The following ALLC variants were observed in gnomAD, a reference collection of about 807,000 sequenced individuals.
ALLC encodes allantoicase.
ALLC carries 40 observed loss-of-function variants against 45.0 expected under a neutral mutation model. The observed-to-expected ratio is 0.89, with a 90% CI of 0.69 to 1.16. The LOEUF is 1.16. ALLC is among the 50% of genes most tolerant of loss of function. The pLI, the probability that ALLC is intolerant of heterozygous loss-of-function variation, is 0.00. For synonymous variants in ALLC, 176 were observed against 178.1 expected (o/e 0.99, Z 0.09); for missense variants, 488 against 493.1 (o/e 0.99, Z 0.10).
the ALLC span, among the ~76,000 whole-genome samples, chr2:3,653,166 G>A: frequency 6.6e-5 from 10 of 152,240 alleles, no homozygotes; most frequent in South Asian, 2.1e-4. This position sits in a 1 kb window ranked among gnomAD's most constrained non-coding sequence, Gnocchi z 4.1. Flanking sequence ...GGGGCCCCCC[G>A]AAGCCTCCAC....
At chr2:3,651,427 GT>G in the ALLC span, among the ~76,000 whole-genome samples, 9 of 59,398 alleles carry the variant, frequency 1.5e-4, no homozygotes, top group South Asian at 8.1e-4. Flanking sequence ...GTGTGTGTGT[GT>G]GTGTGTGTGT....
chr2:3,652,069 G>A, the ALLC span, among the ~76,000 whole-genome samples: 4 of 152,350 alleles, frequency 2.6e-5, no homozygotes, highest in Admixed American at 2.6e-4. Context: ...AGCACAAAGG[G>A]AATTTGTTGA....
chr2:3,664,692 C>T (rs1490759768), intron 1 of ALLC, among the ~76,000 whole-genome samples: 1 of 151,988 alleles, frequency 6.6e-6, no homozygotes, highest in Non-Finnish European at 1.5e-5. Flanking sequence ...AAGACCTGCC[C>T]GGGCAACATA....
At chr2:3,683,153 T>C in intron 7 of ALLC, 79 bp downstream of exon 7, 2 of 1,442,274 alleles carry the variant, frequency 1.4e-6, no homozygotes, top group Middle Eastern at 1.8e-4. Flanking sequence ...ATAAAATGAC[T>C]TGCTCTTTCC....
the ALLC span, among the ~76,000 whole-genome samples, chr2:3,651,688 G>A: frequency 0.037 from 5,548 of 151,980 alleles, 192 homozygotes; most frequent in African/African-American, 0.09. Flanking sequence ...CTGGATGGAG[G>A]CTGGGCCAAC....
intron 5 of ALLC, among the ~76,000 whole-genome samples, chr2:3,681,404 T>G (rs1667174430): frequency 6.6e-6 from 1 of 152,210 alleles, no homozygotes; most frequent in Non-Finnish European, 1.5e-5. Context: ...ATTTACTGTT[T>G]GACAAGCAAA....
At chr2:3,700,725 C>T (rs985080983) in intron 10 of ALLC, among the ~76,000 whole-genome samples, 1 of 152,198 alleles carries the variant, frequency 6.6e-6, no homozygotes, top group Non-Finnish European at 1.5e-5. Context: ...CTCTAATGTT[C>T]TCTACTTGCA....
rs1044355821 is a variant in ALLC, at chr2:3,680,267, T to G, written c.298+273T>G. ...TCACGCAGAGGCAGGCCATCATCCC[T>G]GGAACGTGGGTGAGCAGGTTGCTGG... On this transcript the variant is annotated intron_variant, in intron 5 of 11. Transcript: ENST00000252505. The surrounding 1 kb of genome is among the most constrained non-coding windows in gnomAD (Gnocchi z 4.0). Among the ~76,000 whole-genome samples the G allele has an allele frequency of 6.6e-6, 1 of 152,102 alleles. No individual in the cohort carries two copies. The highest frequency in any genetic ancestry group is 1.9e-4 in the East Asian group (1 of 5,178).
chr2:3,669,703 G>C (rs2147996834), intron 1 of ALLC, among the ~76,000 whole-genome samples: 1 of 152,280 alleles, frequency 6.6e-6, no homozygotes, highest in East Asian at 1.9e-4. Context: ...TGGGCAGGTG[G>C]ACAGGATGCT....
chr2:3,666,409 G>C (rs975957531), intron 1 of ALLC, among the ~76,000 whole-genome samples: 1 of 152,244 alleles, frequency 6.6e-6, no homozygotes, highest in Admixed American at 6.5e-5. Flanking sequence ...ATTTTGCGTG[G>C]AGCAGAGGAC....
Position 3,695,815 on chromosome 2 carries a change from G to A in ALLC, c.610G>A (p.Gly204Arg), listed in dbSNP as rs563354282. 1.9e-6 allele frequency: 3 copies of A among 1,613,934 alleles called. No homozygotes were observed. In the Admixed American group the frequency reaches 5.0e-5, roughly 27 times the overall value. Residue 204 changes from glycine to arginine, a missense_variant, in exon 8 of 12, where the codon GGG becomes AGG. Physicochemically the swap from Gly to Arg is moderately radical, Grantham distance 125. Coordinates refer to ENST00000252505, the MANE Select transcript of ALLC (RefSeq NM_018436.4). ...EPADLVAIAF[G>R]GVCVGFSNAK... is the part of the protein sequence containing the mutation. The stretch of plus-strand genomic sequence containing the variant: ...TGCAGACCTAGTGGCCATCGCTTTT[G>A]GGGGTGTCTGTGTAGGATTTAGTAA...
At chr2:3,656,727 C>T (rs1264285141), upstream of ALLC, among the ~76,000 whole-genome samples, 3 of 152,042 alleles carry the variant, frequency 2.0e-5, no homozygotes, top group East Asian at 1.9e-4. Context: ...GCACTTTAAC[C>T]AGCTCGTAGG....
intron 1 of ALLC, among the ~76,000 whole-genome samples, chr2:3,664,464 C>T (rs1666645668): frequency 1.3e-5 from 2 of 152,292 alleles, no homozygotes; most frequent in South Asian, 4.2e-4. Flanking sequence ...ATCTTTACAA[C>T]TCCTGTTCTC....
At chr2:3,649,125 T>G in the ALLC span, among the ~76,000 whole-genome samples, 2 of 151,978 alleles carry the variant, frequency 1.3e-5, no homozygotes, top group African/African-American at 4.8e-5. Context: ...TTGGGTGAAA[T>G]GGCAGTTAAT....
chr2:3,683,209 CT>C, intron 7 of ALLC, 135 bp downstream of exon 7: 3 of 1,029,666 alleles, frequency 2.9e-6, no homozygotes, highest in Non-Finnish European at 4.1e-6. Context: ...GTAATTTCTC[CT>C]TTTTATGCTC....
At chr2:3,674,798 A>C (rs1666979395) in intron 3 of ALLC, among the ~76,000 whole-genome samples, 1 of 152,232 alleles carries the variant, frequency 6.6e-6, no homozygotes, top group Non-Finnish European at 1.5e-5. Flanking sequence ...CCCCAGGAGA[A>C]AGTGAAAATA....
rs1667146067 is a variant in ALLC at position 3,680,348 on chromosome 2, C to G, written c.298+354C>G. ...TGACCCGGGTGATGTGGACCCAGGTCTGGGACAGCTGTGGGGTGAGCAGCA... is the reference window on the plus strand; with the variant it reads ...TGACCCGGGTGATGTGGACCCAGGTGTGGGACAGCTGTGGGGTGAGCAGCA... On this transcript the variant is annotated intron_variant, in intron 5 of 11. Transcript: ENST00000252505. The surrounding 1 kb of genome is among the most constrained non-coding windows in gnomAD (Gnocchi z 4.0). Among the ~76,000 whole-genome samples the G allele has an allele frequency of 6.6e-6, 1 of 152,046 alleles. No homozygotes were observed. Among genetic ancestry groups the G allele is most frequent in the Non-Finnish European group, 1.5e-5 (1 of 68,030 alleles).
chr2:3,698,380 C>T (rs898849000), intron 10 of ALLC, among the ~76,000 whole-genome samples: 14 of 152,156 alleles, frequency 9.2e-5, no homozygotes, highest in Non-Finnish European at 1.9e-4. Context: ...TCTGCATCCC[C>T]CTTGGAAAAA....
upstream of ALLC, among the ~76,000 whole-genome samples, chr2:3,654,014 G>C (rs1666389241): frequency 6.6e-6 from 1 of 152,218 alleles, no homozygotes; most frequent in East Asian, 1.9e-4. Flanking sequence ...GTCTCAAGGA[G>C]TCTCAAGAGA....
Sources: allele counts gnomAD v4.1 joint callset (sites outside exome capture counted in the v4.1 genomes callset), GRCh38; gene constraint gnomAD v4.1.1; non-coding constraint Gnocchi (gnomAD v3.1); transcripts MANE v1.5; gene names NCBI Gene and HGNC (gene_info 2026-07-23, HGNC 2026-07-21).